Variants in PCDHGB4 observed in about 807,000 individuals in gnomAD.
The protein encoded by PCDHGB4 is protocadherin gamma-B4.
PCDHGB4 carries 38 observed loss-of-function variants against 60.5 expected under a neutral mutation model. The observed-to-expected ratio is 0.63, with a 90% CI of 0.48 to 0.82. The LOEUF (loss-of-function observed/expected upper bound fraction) is 0.82. PCDHGB4 is among the 40% of genes least tolerant of loss of function. The pLI is 0.00. For synonymous variants in PCDHGB4, 456 were observed against 509.7 expected, an observed-to-expected ratio of 0.89 and a Z score of 1.42; for missense variants, 1,109 against 1,209.6, an observed-to-expected ratio of 0.92 and a Z score of 1.23.
chr5:141,419,391 G>A, intron 1 of PCDHGB4: 1 of 1,613,630 alleles, frequency 6.2e-7, no homozygotes. Flanking sequence ...AGCGCGCAGA[G>A]CGGGGTGGTG....
chr5:141,397,245 G>A (rs2093494919), intron 1 of PCDHGB4, among the ~76,000 whole-genome samples: 1 of 152,148 alleles, frequency 6.6e-6, no homozygotes, highest in African/African-American at 2.4e-5. Flanking sequence ...CAACGTAGTA[G>A]GGTATATCAT....
intron 1 of PCDHGB4, among the ~76,000 whole-genome samples, chr5:141,473,907 C>T (rs552055360): frequency 2.0e-4 from 30 of 152,220 alleles, no homozygotes; most frequent in African/African-American, 7.2e-4. Context: ...ATGAAGAGGT[C>T]TTAAGAAAAC....
chr5:141,472,980 C>CAAAAAAAAAAAAAAAAAAAA (rs60579131), intron 1 of PCDHGB4, among the ~76,000 whole-genome samples: 7 of 86,088 alleles, frequency 8.1e-5, no homozygotes, highest in South Asian at 4.3e-4. Flanking sequence ...GAGTGAAACT[C>CAAAAAAAAAAAAAAAAAAAA]AAAAAAAAAA....
intron 1 of PCDHGB4, chr5:141,422,903 A>G (rs1444530801): frequency 1.9e-6 from 3 of 1,614,036 alleles, no homozygotes; most frequent in African/African-American, 2.7e-5. Context: ...CAGAACGACA[A>G]TGCGCCCGAG....
intron 1 of PCDHGB4, chr5:141,413,581 A>T: frequency 1.9e-6 from 3 of 1,613,920 alleles, no homozygotes; most frequent in Non-Finnish European, 2.5e-6. Context: ...CAATGCTCCA[A>T]AATTCCAAGC....
intron 2 of PCDHGB4, among the ~76,000 whole-genome samples, chr5:141,503,598 C>CAA (rs765754054): frequency 1.5e-4 from 10 of 65,698 alleles, no homozygotes; most frequent in African/African-American, 2.3e-4. Context: ...GACTCCAGCT[C>CAA]AAAAAAAAAA....
At position 141,477,965 on chromosome 5, in the gene PCDHGB4, A is replaced by G. The variant is rs1415974296; in HGVS notation, c.2398-16842A>G. On this transcript the variant is annotated intron_variant, in intron 1 of 3. Coordinates refer to ENST00000519479, the MANE Select transcript of PCDHGB4 (RefSeq NM_003736.4). This position sits in a 1 kb window ranked among gnomAD's most constrained non-coding sequence, Gnocchi z 4.9. ...CAGTCTCTTGGGATCCCCTAACCAGAGCCTTTTTGCCATAGGGCTGCACAC... is the reference window on the plus strand; with the variant it reads ...CAGTCTCTTGGGATCCCCTAACCAGGGCCTTTTTGCCATAGGGCTGCACAC... 4 of 1,614,030 alleles carry G rather than the reference A, an allele frequency of 2.5e-6. No individual in the cohort carries two copies. In the Middle Eastern group the frequency reaches 4.9e-4, roughly 200 times the overall value.
At chr5:141,459,287 G>A (rs1362981410) in intron 1 of PCDHGB4, among the ~76,000 whole-genome samples, 1 of 152,136 alleles carries the variant, frequency 6.6e-6, no homozygotes, top group African/African-American at 2.4e-5. Context: ...TCATCTAAAT[G>A]GAATCCTATA....
At chr5:141,400,551 T>G in intron 1 of PCDHGB4, 1 of 1,613,726 alleles carries the variant, frequency 6.2e-7, no homozygotes, top group Non-Finnish European at 8.5e-7. Context: ...TCTATTCTTT[T>G]TCATTACCCA....
chr5:141,422,211 CTT>C (rs1339862278), intron 1 of PCDHGB4: 1 of 1,563,166 alleles, frequency 6.4e-7, no homozygotes, highest in African/African-American at 1.4e-5. Context: ...GTGGAGGTCT[CTT>C]TACCACCACG....
At chr5:141,410,471 G>GC in intron 1 of PCDHGB4, 1 of 1,613,988 alleles carries the variant, frequency 6.2e-7, no homozygotes, top group Non-Finnish European at 8.5e-7. Flanking sequence ...TCTGTGCATT[G>GC]CACATACGGG....
chr5:141,499,570 A>G (rs1027373056), intron 2 of PCDHGB4, among the ~76,000 whole-genome samples: 2 of 152,200 alleles, frequency 1.3e-5, no homozygotes, highest in African/African-American at 4.8e-5. Context: ...TCCAGCTTCA[A>G]CTAATGCCTT....
chr5:141,392,463 AT>A (rs770659302), intron 1 of PCDHGB4: 30 of 173,504 alleles, frequency 1.7e-4, no homozygotes, highest in Non-Finnish European at 2.8e-4. Context: ...TTACGGATAA[AT>A]CAAATAAATT....
chr5:141,421,073 G>A (rs2096544393), intron 1 of PCDHGB4: 4 of 613,858 alleles, frequency 6.5e-6, no homozygotes, highest in Non-Finnish European at 1.1e-5. Flanking sequence ...GGAATGAGAT[G>A]GATACTCACA....
chr5:141,503,221 C>T (rs528636727), intron 2 of PCDHGB4, among the ~76,000 whole-genome samples: 34 of 152,074 alleles, frequency 2.2e-4, no homozygotes, highest in Middle Eastern at 6.8e-3. Flanking sequence ...CCATGAGCAC[C>T]GTAAAGATGG....
At chr5:141,439,934 G>T (rs1477526863) in intron 1 of PCDHGB4, 2 of 152,382 alleles carry the variant, frequency 1.3e-5, no homozygotes, top group Admixed American at 1.3e-4. Context: ...ATCCTGCTGG[G>T]CATTCTCTAT....
intron 1 of PCDHGB4, among the ~76,000 whole-genome samples, chr5:141,444,152 ATTTTTTTTTTTTTTTTTTTTT>A (rs747671382): frequency 8.9e-5 from 3 of 33,882 alleles, no homozygotes; most frequent in Admixed American, 3.9e-4. Context: ...TGTGTACTGG[ATTTTTTTTTTTTTTTTTTTTT>A]TTTTTTTTTT....
chr5:141,506,471 C>T (rs2099854191), intron 3 of PCDHGB4, among the ~76,000 whole-genome samples: 2 of 148,834 alleles, frequency 1.3e-5, no homozygotes, highest in African/African-American at 5.0e-5. Flanking sequence ...AAAAAGAGCA[C>T]AGGCTTTAGA....
intron 1 of PCDHGB4, chr5:141,427,297 A>G (rs1292641772): frequency 2.2e-6 from 1 of 456,900 alleles, no homozygotes; most frequent in Non-Finnish European, 4.4e-6. Context: ...ATCCTAGATG[A>G]GAATGACAAT....
Sources: allele counts gnomAD v4.1 joint callset (sites outside exome capture counted in the v4.1 genomes callset), GRCh38; gene constraint gnomAD v4.1.1; non-coding constraint Gnocchi (gnomAD v3.1); transcripts MANE v1.5; gene names NCBI Gene and HGNC (gene_info 2026-07-23, HGNC 2026-07-21).